Variants in CHRNE observed in about 807,000 individuals in gnomAD.
CHRNE encodes acetylcholine receptor subunit epsilon.
A neutral mutation model predicts 56.5 loss-of-function variants in CHRNE; 58 were observed. The observed-to-expected ratio is 1.03, with a 90% CI of 0.83 to 1.28. CHRNE has a LOEUF of 1.28. Ranked by LOEUF, CHRNE falls within the 50% of genes most tolerant of loss-of-function variation. The pLI is 0.00. For synonymous variants in CHRNE, 385 were observed against 297.9 expected, an observed-to-expected ratio of 1.29 and a Z score of -3.01; for missense variants, 793 against 688.9, an observed-to-expected ratio of 1.15 and a Z score of -1.69.
At chr17:4,900,608 G>A in intron 8 of CHRNE, 185 bp downstream of exon 8, 1 of 1,530,562 alleles carries the variant, frequency 6.5e-7, no homozygotes, top group Non-Finnish European at 8.8e-7. Context: ...AGACCTCCAG[G>A]TGACGTCCAG....
chr17:4,901,982 C>T lies in CHRNE; in HGVS notation c.450G>A (p.Val150=), dbSNP rs778196743. The T allele has an allele frequency of 3.7e-6, 6 of 1,614,110 alleles. No individual in the cohort carries two copies. The highest frequency in any genetic ancestry group is 4.2e-6 in the Non-Finnish European group (5 of 1,180,022). The change falls in exon 5 of 12, where the codon GTG becomes GTA. Residue 150 remains valine (V), a synonymous_variant. Coordinates refer to ENST00000649488, the MANE Select transcript of CHRNE (RefSeq NM_000080.4). The part of the protein sequence containing the change: ...PPAIYRSVCA[V]EVTYFPFDWQ... ...AATCGAAGGGGAAGTAGGTGACCTC[C>T]ACTGCGCAGACGCTGCGGTAGATGG...
upstream of CHRNE, chr17:4,903,209 G>A (rs1461670707): frequency 6.0e-6 from 5 of 838,788 alleles, no homozygotes; most frequent in Non-Finnish European, 9.8e-6. Context: ...TGCTGCAGCT[G>A]GGGACATTTT....
chr17:4,907,544 GT>G (rs1970106033), upstream of CHRNE, among the ~76,000 whole-genome samples: 4 of 140,382 alleles, frequency 2.8e-5, no homozygotes, highest in Admixed American at 1.5e-4. Flanking sequence ...CTCCAGCCTG[GT>G]GACAGAGCAA....
At chr17:4,906,588 GCT>G (rs1970095138), upstream of CHRNE, among the ~76,000 whole-genome samples, 1 of 152,042 alleles carries the variant, frequency 6.6e-6, no homozygotes, top group Non-Finnish European at 1.5e-5. Flanking sequence ...AAGAAAACGT[GCT>G]CAGCATCATT....
At position 4,902,428 on chromosome 17, in the gene CHRNE, C is replaced by G; in HGVS notation, c.234+22G>C. On this transcript the variant is annotated intron_variant, in intron 3 of 11. Coordinates refer to ENST00000649488, the MANE Select transcript of CHRNE (RefSeq NM_000080.4). This position sits in a 1 kb window ranked among gnomAD's most constrained non-coding sequence, Gnocchi z 4.0. ...GGGGTGCCCTGGACAAGACCTCACA[C>G]CATTCCCCAGATTTGACTCACGATT... is the stretch of plus-strand genomic sequence containing the variant. The G allele has an allele frequency of 6.2e-7, 1 of 1,614,216 alleles. No homozygotes were observed. Among genetic ancestry groups the G allele is most frequent in the Non-Finnish European group, 8.5e-7 (1 of 1,180,048 alleles).
intron 8 of CHRNE, 196 bp from the exon 9 acceptor site, chr17:4,899,778 A>C (rs1597616262): frequency 6.4e-7 from 1 of 1,550,676 alleles, no homozygotes; most frequent in Non-Finnish European, 8.7e-7. Context: ...GGGGACCCCC[A>C]GCTCCCTGGA....
chr17:4,901,192 T>C lies in CHRNE; in HGVS notation c.602-2A>G, dbSNP rs1350079020. The C allele has an allele frequency of 6.2e-7, 1 of 1,601,918 alleles. No individual in the cohort carries two copies. The highest frequency in any genetic ancestry group is 8.5e-7 in the Non-Finnish European group (1 of 1,178,124). ...AGTCGATGGCCCACTCGCCGTTCTC[T>C]GCGGGACGGGGGCACGGTCAGCTGG... On this transcript the variant is annotated splice_acceptor_variant, in intron 6 of 11. Transcript: ENST00000649488. LOFTEE classifies it high-confidence loss of function.
At chr17:4,901,874 G>A (rs1428699807) in intron 5 of CHRNE, 58 bp downstream of exon 5, 14 of 765,636 alleles carry the variant, frequency 1.8e-5, no homozygotes, top group East Asian at 1.0e-4. Context: ...GGTTGGCCCC[G>A]CCCCATAAGG....
In CHRNE at chr17:4,900,873, G is replaced by A; in HGVS notation, c.837C>T (p.Val279=). 1.2e-6 allele frequency: 2 copies of A among 1,614,214 alleles called. No homozygotes were observed. The highest frequency in any genetic ancestry group is 8.5e-7 in the Non-Finnish European group (1 of 1,180,016). Residue 279 remains valine, a synonymous_variant, in exon 8 of 12, where the codon GTC becomes GTT. Coordinates refer to ENST00000649488, the MANE Select transcript of CHRNE (RefSeq NM_000080.4). ...GGQKCTVSIN[V]LLAQTVFLFL... ...ACAAGAAGACGGTCTGGGCGAGCAGGACGTTGATGGAGACCGTGCATTTCT... is the reference window on the plus strand; with the variant it reads ...ACAAGAAGACGGTCTGGGCGAGCAGAACGTTGATGGAGACCGTGCATTTCT...
chr17:4,905,530 C>G (rs1302356215), upstream of CHRNE, among the ~76,000 whole-genome samples: 1 of 152,080 alleles, frequency 6.6e-6, no homozygotes, highest in East Asian at 1.9e-4. Context: ...ACACTACACT[C>G]CAGCCTGGGT....
At chr17:4,907,601 C>A (rs929155024), upstream of CHRNE, among the ~76,000 whole-genome samples, 6 of 150,780 alleles carry the variant, frequency 4.0e-5, no homozygotes, top group Non-Finnish European at 7.4e-5. Context: ...CACTCTCAGC[C>A]CAGAGTCCAG....
intron 6 of CHRNE, 150 bp from the exon 7 acceptor site, chr17:4,901,340 AG>A: frequency 1.0e-6 from 1 of 985,488 alleles, no homozygotes; most frequent in East Asian, 2.6e-5. Flanking sequence ...ATTCTCGTTG[AG>A]GGTATGGAAA....
chr17:4,906,429 C>T (rs1324043241), upstream of CHRNE, among the ~76,000 whole-genome samples: 1 of 152,078 alleles, frequency 6.6e-6, no homozygotes, highest in Non-Finnish European at 1.5e-5. Flanking sequence ...AATATAAATT[C>T]ACTCTATCCT....
rs932032926 is a variant in CHRNE, at chr17:4,899,325, CCGGGGGGCCTCGGGCGGCGG to C, written c.1072_1091del (p.Pro358GlyfsTer32). The C allele has an allele frequency of 6.4e-6, 10 of 1,562,788 alleles. No homozygotes were observed. Among genetic ancestry groups the C allele is most frequent in the Non-Finnish European group, 8.6e-6 (10 of 1,161,494 alleles). On this transcript the variant is annotated frameshift_variant, in exon 10 of 12. Transcript: ENST00000649488. LOFTEE classifies it high-confidence loss of function. ...ACGCCCGCCTTGGGGGCGAGGCGGC[CCGGGGGGCCTCGGGCGGCGG>C]CGGGGAGCCCAGGAGGCGCGGCAGC...
Position 4,899,004 on chromosome 17 carries a change from G to T in CHRNE, c.1323C>A (p.Gly441=), listed in dbSNP as rs758517310. 1 of 1,595,670 alleles carries T rather than the reference G, an allele frequency of 6.3e-7. No individual in the cohort carries two copies. The highest frequency in any genetic ancestry group is 1.1e-5 in the South Asian group (1 of 88,010). The change falls in exon 11 of 12, where the codon GGC becomes GGA. Residue 441 remains glycine, a synonymous_variant. Coordinates refer to ENST00000649488, the MANE Select transcript of CHRNE (RefSeq NM_000080.4). ...AESTRDQEAT[G]EEVSDWVRMG... is the part of the protein sequence containing the mutation. ...CCGCCTCTGGCTCCTGTCCCACCTC[G>T]CCGGTGGCCTCCTGATCTCTCGTGC...
chr17:4,901,462 G>A, intron 6 of CHRNE, 63 bp downstream of exon 6: 1 of 1,492,776 alleles, frequency 6.7e-7, no homozygotes, highest in Non-Finnish European at 9.3e-7. Flanking sequence ...CAAGCCCACC[G>A]TGGAAGTCCC....
chr17:4,900,949 G>A (rs766710383), intron 7 of CHRNE, 41 bp downstream of exon 7: 8 of 1,613,882 alleles, frequency 5.0e-6, no homozygotes, highest in East Asian at 4.5e-5. Context: ...CCTCCCGGGA[G>A]CGAGCCCGGG....
rs894382905 is a variant in CHRNE, at chr17:4,902,060, G to A, written c.372C>T (p.Tyr124=). Residue 124 remains tyrosine (Y), a synonymous_variant, in exon 5 of 12, where the codon TAC becomes TAT. Transcript: ENST00000649488. The surrounding 1 kb of genome is among the most constrained non-coding windows in gnomAD (Gnocchi z 4.0). The stretch of plus-strand genomic sequence containing the variant: ...CCTCGTAGACGAGCACGTTGGCGTC[G>A]TAGGCCACTCCGAACTGGCCATCAA... ...NNIDGQFGVA[Y]DANVLVYEGG... is the part of the protein sequence containing the mutation. 3.1e-6 allele frequency: 5 copies of A among 1,613,940 alleles called. No homozygotes were observed. Among genetic ancestry groups the A allele is most frequent in the African/African-American group, 2.7e-5 (2 of 74,926 alleles).
At chr17:4,906,435 A>C (rs1020119832), upstream of CHRNE, among the ~76,000 whole-genome samples, 3 of 152,232 alleles carry the variant, frequency 2.0e-5, no homozygotes, top group East Asian at 5.8e-4. Flanking sequence ...AATTCACTCT[A>C]TCCTCCCCAG....
Sources: allele counts gnomAD v4.1 joint callset (sites outside exome capture counted in the v4.1 genomes callset), GRCh38; gene constraint gnomAD v4.1.1; non-coding constraint Gnocchi (gnomAD v3.1); transcripts MANE v1.5; gene names NCBI Gene and HGNC (gene_info 2026-07-23, HGNC 2026-07-21).